Variants in PLCB1 observed in about 807,000 individuals in gnomAD.
PLCB1 encodes the protein 1-phosphatidylinositol 4,5-bisphosphate phosphodiesterase beta-1.
In PLCB1, 46 loss-of-function variants were observed where a neutral mutation model predicts 161.8. The observed-to-expected ratio is 0.28, with a 90% CI of 0.22 to 0.36. The LOEUF is 0.36. PLCB1 is among the 10% of genes least tolerant of loss of function. The probability of loss-of-function intolerance (pLI) is 1.00; values close to 1 mark genes in which losing one functional copy is unlikely to be tolerated. For synonymous variants in PLCB1, 517 were observed against 503.7 expected (o/e 1.03, Z -0.35); for missense variants, 1,016 against 1,472.5 (o/e 0.69, Z 5.07).
chr20:8,601,605 G>T (rs1382719450), intron 3 of PLCB1, among the ~76,000 whole-genome samples: 1 of 152,204 alleles, frequency 6.6e-6, no homozygotes, highest in Non-Finnish European at 1.5e-5. Flanking sequence ...GTGCTAATTT[G>T]TACTGATCAC....
At chr20:8,666,901 C>T (rs1989825054) in intron 9 of PLCB1, among the ~76,000 whole-genome samples, 1 of 152,096 alleles carries the variant, frequency 6.6e-6, no homozygotes, top group African/African-American at 2.4e-5. Flanking sequence ...CCCTATCACT[C>T]TTTCTCCTCC....
chr20:8,556,656 GGTGTGTGTGTGTGTGTGTGTGT>G (rs58160557), intron 3 of PLCB1, among the ~76,000 whole-genome samples: 16 of 141,780 alleles, frequency 1.1e-4, no homozygotes, highest in African/African-American at 2.6e-4. Flanking sequence ...GAGAGGGTTG[GGTGTGTGTGTGTGTGTGTGTGT>G]GTGTGTGTGT....
chr20:8,343,625 A>C (rs1344166991), intron 2 of PLCB1, among the ~76,000 whole-genome samples: 2 of 152,182 alleles, frequency 1.3e-5, no homozygotes, highest in African/African-American at 4.8e-5. Flanking sequence ...CATTTAGTAT[A>C]CTTCCAGGCT....
At chr20:8,675,175 C>T (rs1254741284) in intron 9 of PLCB1, among the ~76,000 whole-genome samples, 2 of 152,096 alleles carry the variant, frequency 1.3e-5, no homozygotes, top group African/African-American at 2.4e-5. Context: ...CAAAGGTCAG[C>T]TTGACTCAAT....
chr20:8,546,762 T>G (rs1468223301), intron 3 of PLCB1, among the ~76,000 whole-genome samples: 1 of 150,366 alleles, frequency 6.7e-6, no homozygotes, highest in South Asian at 2.1e-4. Flanking sequence ...TGTGTGTCTG[T>G]AGGAAATGAC....
At chr20:8,406,391 C>T (rs952077701) in intron 3 of PLCB1, among the ~76,000 whole-genome samples, 1 of 152,148 alleles carries the variant, frequency 6.6e-6, no homozygotes, top group African/African-American at 2.4e-5. Context: ...TTTTAAATTA[C>T]AGCTTCAGTC....
At chr20:8,801,972 C>T (rs1399961008) in intron 31 of PLCB1, 4 of 861,110 alleles carry the variant, frequency 4.6e-6, no homozygotes, top group East Asian at 4.9e-5. Context: ...AGAGACGTCC[C>T]AGACAAATAA....
In PLCB1 at chr20:8,258,198, A is replaced by G. The variant is rs146449612; in HGVS notation, c.177+107827A>G. On this transcript the variant is annotated intron_variant, in intron 2 of 31. Transcript: ENST00000338037. Reference sequence around the variant, plus strand: ...AAAGTGGCACATTCTTTACTCTTGTAATATGCCAGCATCTTATTCTTTATT... The same window carrying G: ...AAAGTGGCACATTCTTTACTCTTGTGATATGCCAGCATCTTATTCTTTATT... Among the ~76,000 whole-genome samples, 272 of 152,300 alleles carry G rather than the reference A, an allele frequency of 1.8e-3. 2 individuals are homozygous for G. Among genetic ancestry groups the G allele is most frequent in the African/African-American group, 6.1e-3 (252 of 41,576 alleles).
intron 14 of PLCB1, among the ~76,000 whole-genome samples, chr20:8,719,384 G>A (rs1248018794): frequency 6.6e-6 from 1 of 152,104 alleles, no homozygotes; most frequent in Non-Finnish European, 1.5e-5. Context: ...GAGGTATTCA[G>A]AATAGCCAAA....
At chr20:8,249,432 T>G (rs1981036522) in intron 2 of PLCB1, 1 of 151,950 alleles carries the variant, frequency 6.6e-6, no homozygotes, top group Non-Finnish European at 1.5e-5. Flanking sequence ...GTTATCATTC[T>G]CACATTATCC....
At chr20:8,202,041 T>TA (rs2052096968) in intron 2 of PLCB1, among the ~76,000 whole-genome samples, 1 of 152,160 alleles carries the variant, frequency 6.6e-6, no homozygotes, top group Non-Finnish European at 1.5e-5. Flanking sequence ...AGGAAGGCAG[T>TA]ATAGTTATTT....
At chr20:8,659,240 T>C (rs575602048) in intron 9 of PLCB1, among the ~76,000 whole-genome samples, 10 of 152,294 alleles carry the variant, frequency 6.6e-5, no homozygotes, top group Non-Finnish European at 1.5e-4. Context: ...ATCCAAAAAT[T>C]GATAGCCCAA....
chr20:8,141,420 T>G (rs1159294521), intron 1 of PLCB1, among the ~76,000 whole-genome samples: 1 of 151,376 alleles, frequency 6.6e-6, no homozygotes, highest in African/African-American at 2.4e-5. Context: ...GGTCAGGAGT[T>G]CAAGACCAGC....
chr20:8,301,208 G>A (rs914574915), intron 2 of PLCB1, among the ~76,000 whole-genome samples: 6 of 152,230 alleles, frequency 3.9e-5, no homozygotes, highest in Admixed American at 1.3e-4. Context: ...CTCTGGTAAT[G>A]CCATGTTCTG....
chr20:8,833,409 C>T (rs1326848137), intron 31 of PLCB1, among the ~76,000 whole-genome samples: 1 of 152,202 alleles, frequency 6.6e-6, no homozygotes, highest in East Asian at 1.9e-4. Context: ...ATTCAGTTAC[C>T]TCCCACTGGG....
At chr20:8,328,556 A>T (rs750498681) in intron 2 of PLCB1, among the ~76,000 whole-genome samples, 1 of 151,120 alleles carries the variant, frequency 6.6e-6, no homozygotes, top group Non-Finnish European at 1.5e-5. Context: ...GGTGTGTTTT[A>T]TTTGTTATTT....
intron 3 of PLCB1, among the ~76,000 whole-genome samples, chr20:8,519,161 C>T (rs769253266): frequency 1.3e-5 from 2 of 150,498 alleles, no homozygotes; most frequent in Non-Finnish European, 2.9e-5. Flanking sequence ...CTACAGCATG[C>T]CAGACAAAAT....
chr20:8,546,722 A>G (rs942426945), intron 3 of PLCB1, among the ~76,000 whole-genome samples: 6 of 151,898 alleles, frequency 4.0e-5, no homozygotes, highest in East Asian at 1.9e-4. Context: ...ACCATTACCA[A>G]TGTTGTGTTC....
chr20:8,192,256 T>A (rs1226175742), intron 2 of PLCB1, among the ~76,000 whole-genome samples: 1 of 152,030 alleles, frequency 6.6e-6, no homozygotes, highest in Non-Finnish European at 1.5e-5. Context: ...TTTATACCTA[T>A]CTCATGTTTG....
Sources: allele counts gnomAD v4.1 joint callset (sites outside exome capture counted in the v4.1 genomes callset), GRCh38; gene constraint gnomAD v4.1.1; transcripts MANE v1.5; gene names NCBI Gene and HGNC (gene_info 2026-07-23, HGNC 2026-07-21).